The following SENP7 variants were observed in gnomAD, a reference collection of about 807,000 sequenced individuals.
SENP7 encodes SUMO specific peptidase 7.
SENP7 carries 64 observed loss-of-function variants against 141.2 expected under a neutral mutation model. That is an observed-to-expected ratio of 0.45 (90% CI 0.37 to 0.56). SENP7 has a LOEUF of 0.56. Among genes scored for constraint, SENP7 ranks in the 20% least tolerant of loss-of-function variants. The pLI, the probability that SENP7 is intolerant of heterozygous loss-of-function variation, is 0.00. For missense variants in SENP7, 1,025 were observed against 1,212.2 expected (o/e 0.85, Z 2.29); for synonymous variants, 382 against 426.4 (o/e 0.90, Z 1.28).
intron 5 of SENP7, chr3:101,414,245 G>T: frequency 1.7e-6 from 1 of 574,640 alleles, no homozygotes; most frequent in Non-Finnish European, 3.1e-6. Context: ...AGCTGCAGGT[G>T]ACGAGTGGTA....
At chr3:101,503,536 C>T (rs780405558) in intron 1 of SENP7, among the ~76,000 whole-genome samples, 1 of 152,202 alleles carries the variant, frequency 6.6e-6, no homozygotes, top group Non-Finnish European at 1.5e-5. Context: ...CTGCTACGCA[C>T]AATATGGATA....
At chr3:101,472,048 TTGG>T (rs1300176829) in intron 3 of SENP7, among the ~76,000 whole-genome samples, 1 of 152,204 alleles carries the variant, frequency 6.6e-6, no homozygotes, top group Non-Finnish European at 1.5e-5. Context: ...TTTTACACTG[TTGG>T]TGGGAATGTA....
chr3:101,488,091 G>C lies in SENP7; in HGVS notation c.186+5782C>G, dbSNP rs140528437. ...TGACACTGATGCTTCCAATCCACGC[G>C]CATGGATTGTTTTTCCATTTATTTG... On this transcript the variant is annotated intron_variant, in intron 3 of 23. Transcript: ENST00000394095. 1.7e-3 allele frequency among the ~76,000 whole-genome samples: 255 copies of C among 152,208 alleles called. 2 individuals carry two copies. The highest frequency in any genetic ancestry group is 0.01 in the Middle Eastern group (3 of 294).
rs912502253 is a variant in SENP7, at chr3:101,376,483, CAAGTA to C, written c.678-4362_678-4358del. 6.6e-5 allele frequency among the ~76,000 whole-genome samples: 10 copies of C among 152,164 alleles called. 1 individual carries two copies. Among genetic ancestry groups the C allele is most frequent in the South Asian group, 4.1e-4 (2 of 4,822 alleles). On this transcript the variant is annotated intron_variant, in intron 6 of 23. Coordinates refer to ENST00000394095, the MANE Select transcript of SENP7 (RefSeq NM_020654.5). ...AAAACATAATACAGAGTAACATCAA[CAAGTA>C]AAGTATAGTATTACAGACTAGTATA...
At chr3:101,327,565 T>A (rs1219919057) in intron 23 of SENP7, 101 bp downstream of exon 23, 2 of 817,314 alleles carry the variant, frequency 2.4e-6, no homozygotes, top group Non-Finnish European at 3.6e-6. Flanking sequence ...CAGTCTTGGG[T>A]ATGTCTTTAT....
chr3:101,395,524 G>T (rs2060942495), intron 6 of SENP7, among the ~76,000 whole-genome samples: 1 of 152,076 alleles, frequency 6.6e-6, no homozygotes, highest in Admixed American at 6.6e-5. Context: ...ATGCTGTTTT[G>T]GTTACTATAG....
At chr3:101,447,318 C>T (rs184588367) in intron 4 of SENP7, among the ~76,000 whole-genome samples, 4 of 152,100 alleles carry the variant, frequency 2.6e-5, no homozygotes, top group African/African-American at 9.6e-5. Flanking sequence ...TGGCATGCAC[C>T]GGTGGTCCCA....
intron 5 of SENP7, among the ~76,000 whole-genome samples, chr3:101,405,864 C>T (rs1312818382): frequency 6.6e-6 from 1 of 152,070 alleles, no homozygotes; most frequent in South Asian, 2.1e-4. Flanking sequence ...CAAATTAACC[C>T]AATCCAACAA....
chr3:101,395,751 C>T (rs138182908), intron 6 of SENP7, among the ~76,000 whole-genome samples: 20 of 152,322 alleles, frequency 1.3e-4, no homozygotes, highest in African/African-American at 4.8e-4. Flanking sequence ...ATAACAATTG[C>T]TTTGGCAGCA....
chr3:101,488,720 T>C (rs141412930), intron 3 of SENP7, among the ~76,000 whole-genome samples: 7 of 152,300 alleles, frequency 4.6e-5, no homozygotes, highest in African/African-American at 1.7e-4. Context: ...CATGTGCCTG[T>C]AGTCCCAGCT....
chr3:101,396,603 G>A (rs1280943711), intron 6 of SENP7, among the ~76,000 whole-genome samples: 2 of 152,040 alleles, frequency 1.3e-5, no homozygotes, highest in South Asian at 2.1e-4. Context: ...TTTTTGTGAG[G>A]TACATAGGGC....
rs188487536 is a variant in SENP7 at position 101,450,166 on chromosome 3, C to A, written c.284+8789G>T. Among the ~76,000 whole-genome samples the A allele has an allele frequency of 3.2e-4, 48 of 152,256 alleles. No homozygotes were observed. In the East Asian group the frequency reaches 7.1e-3, roughly 23 times the overall value. ...CAATTCAACAAGAAGAGCTAACTAT[C>A]CTAAATATATATGCACCCAACACAG... On this transcript the variant is annotated intron_variant, in intron 4 of 23. Transcript: ENST00000394095.
At chr3:101,488,919 G>A (rs1353174968) in intron 3 of SENP7, among the ~76,000 whole-genome samples, 1 of 152,146 alleles carries the variant, frequency 6.6e-6, no homozygotes, top group East Asian at 1.9e-4. Context: ...AGAAGGGTCA[G>A]GTCATGTACA....
intron 12 of SENP7, among the ~76,000 whole-genome samples, chr3:101,348,966 T>C (rs180687423): frequency 2.6e-5 from 4 of 152,282 alleles, no homozygotes; most frequent in Admixed American, 1.3e-4. Context: ...TCCTAGAACT[T>C]TGTTACTCAA....
chr3:101,334,145 C>CT (rs2059126837), intron 17 of SENP7, among the ~76,000 whole-genome samples: 1 of 152,148 alleles, frequency 6.6e-6, no homozygotes, highest in African/African-American at 2.4e-5. Context: ...TCCTAACAGG[C>CT]CACAGACTGG....
At chr3:101,402,967 CACAA>C (rs2061194560) in intron 5 of SENP7, among the ~76,000 whole-genome samples, 1 of 152,148 alleles carries the variant, frequency 6.6e-6, no homozygotes. Flanking sequence ...ATATAGCTAC[CACAA>C]ACAGTGATTT....
intron 4 of SENP7, among the ~76,000 whole-genome samples, chr3:101,435,156 T>A (rs1211546912): frequency 6.6e-6 from 1 of 151,996 alleles, no homozygotes; most frequent in Admixed American, 6.5e-5. Flanking sequence ...ATCAACAGAA[T>A]GAAGGATAAA....
intron 6 of SENP7, among the ~76,000 whole-genome samples, chr3:101,396,073 T>A (rs1005009435): frequency 1.3e-5 from 2 of 152,196 alleles, no homozygotes; most frequent in Admixed American, 1.3e-4. Flanking sequence ...ATAGCTAATA[T>A]CTTAATCCAG....
intron 3 of SENP7, among the ~76,000 whole-genome samples, chr3:101,467,503 A>G (rs1382835999): frequency 1.3e-5 from 2 of 152,188 alleles, no homozygotes; most frequent in Non-Finnish European, 2.9e-5. Context: ...TCAGGCAGCA[A>G]TATTTGCTCT....
Sources: allele counts gnomAD v4.1 joint callset (sites outside exome capture counted in the v4.1 genomes callset), GRCh38; gene constraint gnomAD v4.1.1; transcripts MANE v1.5; gene names NCBI Gene and HGNC (gene_info 2026-07-23, HGNC 2026-07-21).